Variants in MYLK observed in about 807,000 individuals in gnomAD.
MYLK encodes myosin light chain kinase, also known as myosin light chain kinase, smooth muscle.
In MYLK, 106 loss-of-function variants were observed where a neutral mutation model predicts 203.4. The observed-to-expected ratio is 0.52, with a 90% confidence interval of 0.45 to 0.61. MYLK has a LOEUF of 0.61. MYLK is among the 20% of genes least tolerant of loss of function. The pLI is 0.00. For missense variants in MYLK, 2,072 were observed against 2,442.3 expected (o/e 0.85, Z 3.20); for synonymous variants, 867 against 959.5 (o/e 0.90, Z 1.78).
chr3:123,628,375 A>T (rs891062829), intron 30 of MYLK, among the ~76,000 whole-genome samples: 1 of 152,128 alleles, frequency 6.6e-6, no homozygotes, highest in African/African-American at 2.4e-5. Context: ...CTGCAAAGTC[A>T]CCTGGGAGTG....
intron 3 of MYLK, among the ~76,000 whole-genome samples, chr3:123,807,054 C>A (rs1483568577): frequency 6.6e-6 from 1 of 152,150 alleles, no homozygotes; most frequent in Non-Finnish European, 1.5e-5. Context: ...TCATATAGTT[C>A]ATAAAGCAGT....
At chr3:123,883,912 C>T (rs935991290) in intron 1 of MYLK, among the ~76,000 whole-genome samples, 1 of 152,082 alleles carries the variant, frequency 6.6e-6, no homozygotes, top group Non-Finnish European at 1.5e-5. Context: ...GAAGGGTCCG[C>T]TTCTCCTCCG....
Position 123,620,213 on chromosome 3 carries a change from A to T in MYLK, c.5362T>A (p.Ser1788Thr). 6.2e-7 allele frequency: 1 copy of T among 1,613,718 alleles called. No individual in the cohort carries two copies. Among genetic ancestry groups the T allele is most frequent in the Non-Finnish European group, 8.5e-7 (1 of 1,179,902 alleles). The change falls in exon 32 of 34, where the codon TCT becomes ACT. Residue 1788 changes from serine to threonine, a missense_variant. By Grantham distance (58) the Ser-to-Thr change is moderately conservative. Around this residue, in one of 3 missense-constraint regions of MYLK, gnomAD observed 524 missense variants for 782.4 expected, o/e 0.67. Coordinates refer to ENST00000360304, the MANE Select transcript of MYLK (RefSeq NM_053025.4). The part of the protein sequence containing the change: ...TSPLNAEKLE[S>T]EEDVSQAFLE... ...TGGAGAAACTCCTCCTTACCTTCAG[A>T]TTCTAGTTTTTCTGCATTGAGCGGG...
chr3:123,865,455 A>T (rs778353374), intron 2 of MYLK, among the ~76,000 whole-genome samples: 2 of 152,196 alleles, frequency 1.3e-5, no homozygotes, highest in Non-Finnish European at 2.9e-5. Context: ...TCCTGTAGCT[A>T]CTTAGCAGTG....
At chr3:123,733,224 C>T (rs1280542675) in intron 10 of MYLK, 122 bp from the exon 11 acceptor site, 2 of 1,081,632 alleles carry the variant, frequency 1.8e-6, no homozygotes, top group African/African-American at 1.6e-5. Context: ...GCTGCCCTCC[C>T]ACCTCTGAGT....
At chr3:123,861,290 G>T (rs979165674) in intron 2 of MYLK, among the ~76,000 whole-genome samples, 1 of 152,230 alleles carries the variant, frequency 6.6e-6, no homozygotes, top group Non-Finnish European at 1.5e-5. Flanking sequence ...GCTCTGCAGC[G>T]AGACAGCTGG....
intron 3 of MYLK, among the ~76,000 whole-genome samples, chr3:123,803,012 G>C (rs2065247846): frequency 6.7e-6 from 1 of 149,602 alleles, no homozygotes; most frequent in African/African-American, 2.5e-5. Flanking sequence ...TATGAGATGA[G>C]GTGTGAGTAC....
At chr3:123,687,721 G>C (rs1426680777) in intron 19 of MYLK, among the ~76,000 whole-genome samples, 1 of 150,556 alleles carries the variant, frequency 6.6e-6, no homozygotes, top group Non-Finnish European at 1.5e-5. Flanking sequence ...CCACAGGCTG[G>C]AGTACCGTGG....
rs191487890 is a variant in MYLK at position 123,677,038 on chromosome 3, C to T, written c.3652+5186G>A. ...CCTCACGCAAAATTCCCAAGAACTC[C>T]CCTGGCCATTTGGGCCCCCTCCAGC... On this transcript the variant is annotated intron_variant, in intron 20 of 33. Coordinates refer to ENST00000360304, the MANE Select transcript of MYLK (RefSeq NM_053025.4). 7.0e-3 allele frequency among the ~76,000 whole-genome samples: 1,065 copies of T among 152,306 alleles called. 64 individuals are homozygous for T. The highest frequency in any genetic ancestry group is 0.066 in the Admixed American group (1,013 of 15,298).
intron 16 of MYLK, among the ~76,000 whole-genome samples, chr3:123,705,959 G>A (rs556497159): frequency 7.9e-5 from 12 of 152,260 alleles, no homozygotes; most frequent in Non-Finnish European, 1.3e-4. Context: ...ACTGACCTAG[G>A]GGGTAAGCGT....
At chr3:123,739,157 A>G in intron 6 of MYLK, 95 bp from the exon 7 acceptor site, 1 of 1,388,428 alleles carries the variant, frequency 7.2e-7, no homozygotes, top group Non-Finnish European at 1.0e-6. Flanking sequence ...TTAAGGTCAG[A>G]AGCCATCAAA....
At chr3:123,809,934 T>G (rs1345527761) in intron 3 of MYLK, among the ~76,000 whole-genome samples, 3 of 152,180 alleles carry the variant, frequency 2.0e-5, no homozygotes, top group Non-Finnish European at 4.4e-5. Flanking sequence ...AGGCCACTGT[T>G]GTTTGTCTAA....
Position 123,647,214 on chromosome 3 carries a change from G to T in MYLK, c.4619+10C>A. On this transcript the variant is annotated intron_variant, in intron 27 of 33. Transcript: ENST00000360304. ...TGTGGTGCCCACGCTGCTGGCAGTGGGCCACTCACATCTCCAGGACCATGA... is the reference window on the plus strand; with the variant it reads ...TGTGGTGCCCACGCTGCTGGCAGTGTGCCACTCACATCTCCAGGACCATGA... 6.2e-7 allele frequency: 1 copy of T among 1,613,696 alleles called. No homozygotes were observed. The highest frequency in any genetic ancestry group is 8.5e-7 in the Non-Finnish European group (1 of 1,179,852).
chr3:123,875,017 C>T (rs553366555), intron 2 of MYLK, among the ~76,000 whole-genome samples: 89 of 152,156 alleles, frequency 5.8e-4, no homozygotes, highest in Non-Finnish European at 9.0e-4. Flanking sequence ...ATATAACCCT[C>T]ATATATTACT....
intron 5 of MYLK, among the ~76,000 whole-genome samples, chr3:123,747,957 T>C (rs2063071259): frequency 6.6e-6 from 1 of 152,228 alleles, no homozygotes; most frequent in South Asian, 2.1e-4. Context: ...TGTGTGGATG[T>C]GTGATGACCC....
intron 16 of MYLK, among the ~76,000 whole-genome samples, chr3:123,702,467 T>C (rs369252526): frequency 5.9e-5 from 9 of 152,272 alleles, no homozygotes; most frequent in Admixed American, 3.9e-4. Context: ...CCATGCCCAA[T>C]TTAAAGATAA....
rs116069917 is a variant in MYLK, at chr3:123,741,260, C to T, written c.374-1259G>A. ...AAATCATGGCTATTTTCATCAGCCA[C>T]ACCCGGTTTAAGATTCCACCAGAAC... On this transcript the variant is annotated intron_variant, in intron 5 of 33. Coordinates refer to ENST00000360304, the MANE Select transcript of MYLK (RefSeq NM_053025.4). 4.7e-3 allele frequency among the ~76,000 whole-genome samples: 714 copies of T among 152,314 alleles called. 6 individuals carry two copies. The highest frequency in any genetic ancestry group is 0.016 in the African/African-American group (676 of 41,560).
chr3:123,730,732 A>C (rs990445796), intron 11 of MYLK, among the ~76,000 whole-genome samples: 1 of 152,210 alleles, frequency 6.6e-6, no homozygotes, highest in Admixed American at 6.5e-5. Flanking sequence ...AAAGTATATT[A>C]GTGGCTATCA....
At chr3:123,725,498 G>T (rs1464140324) in intron 12 of MYLK, among the ~76,000 whole-genome samples, 1 of 152,124 alleles carries the variant, frequency 6.6e-6, no homozygotes, top group Non-Finnish European at 1.5e-5. Flanking sequence ...TAAATAAAAG[G>T]TAAGATCCCT....
Sources: allele counts gnomAD v4.1 joint callset (sites outside exome capture counted in the v4.1 genomes callset), GRCh38; gene constraint gnomAD v4.1.1; regional missense constraint gnomAD v4.1.1; transcripts MANE v1.5; gene names NCBI Gene and HGNC (gene_info 2026-07-23, HGNC 2026-07-21).